The following SOX5 variants were observed in gnomAD, a reference collection of about 807,000 sequenced individuals.
The protein encoded by SOX5 is transcription factor SOX-5.
A neutral mutation model predicts 92.0 loss-of-function variants in SOX5; 9 were observed. That is an observed-to-expected ratio of 0.10 (90% CI 0.06 to 0.17). SOX5 has a LOEUF of 0.17. Among genes scored for constraint, SOX5 ranks in the 10% least tolerant of loss-of-function variants. The probability of loss-of-function intolerance (pLI) is 1.00; values close to 1 mark genes in which losing one functional copy is unlikely to be tolerated. For synonymous variants in SOX5, 344 were observed against 336.3 expected (o/e 1.02, Z -0.25); for missense variants, 642 against 944.5 (o/e 0.68, Z 4.20).
intron 13 of SOX5, among the ~76,000 whole-genome samples, chr12:23,539,682 A>T (rs1158011160): frequency 1.3e-5 from 2 of 152,172 alleles, no homozygotes; most frequent in Non-Finnish European, 2.9e-5. Context: ...AAATTCTCAG[A>T]TAAGTTGGCT....
At chr12:23,954,478 A>G (rs1251474484), upstream of SOX5, among the ~76,000 whole-genome samples, 1 of 151,688 alleles carries the variant, frequency 6.6e-6, no homozygotes, top group Non-Finnish European at 1.5e-5. Flanking sequence ...AAAGAAAGAA[A>G]GAAGGAAACT....
chr12:24,047,621 G>C (rs921158926), intron 4 of SOX5, among the ~76,000 whole-genome samples: 2 of 152,136 alleles, frequency 1.3e-5, no homozygotes, highest in Non-Finnish European at 2.9e-5. Flanking sequence ...TACCACATGG[G>C]ATCAGCCAGG....
chr12:24,461,115 T>C (rs1401942593), intron 1 of SOX5, among the ~76,000 whole-genome samples: 1 of 152,186 alleles, frequency 6.6e-6, no homozygotes, highest in African/African-American at 2.4e-5. Context: ...TGACAACACA[T>C]TTACAGAAGG....
At chr12:24,310,685 G>T (rs1490215686) in intron 2 of SOX5, among the ~76,000 whole-genome samples, 1 of 152,120 alleles carries the variant, frequency 6.6e-6, no homozygotes, top group Non-Finnish European at 1.5e-5. Context: ...CAGAGAAATG[G>T]TGACGTGATA....
At chr12:24,394,629 G>A (rs1034656823) in intron 1 of SOX5, among the ~76,000 whole-genome samples, 1 of 152,130 alleles carries the variant, frequency 6.6e-6, no homozygotes, top group Non-Finnish European at 1.5e-5. Flanking sequence ...ATTAATATTT[G>A]TACAAATATC....
intron 7 of SOX5, among the ~76,000 whole-genome samples, chr12:23,652,808 T>C (rs2081784493): frequency 6.6e-6 from 1 of 152,076 alleles, no homozygotes; most frequent in Non-Finnish European, 1.5e-5. Flanking sequence ...CAGGCTCTAG[T>C]CCTCTGCTAA....
chr12:24,276,315 T>C lies in SOX5; in HGVS notation c.-77+901A>G, dbSNP rs957501867. Among the ~76,000 whole-genome samples, 3 of 152,260 alleles carry C rather than the reference T, an allele frequency of 2.0e-5. No homozygotes were observed. The South Asian group carries it at 6.2e-4, about 32-fold the overall frequency. On this transcript the variant is annotated intron_variant, in intron 3 of 4. Transcript: ENST00000446891. Reference sequence around the variant, plus strand: ...TTAACAATTTTGTTTTTAAAAGAGGTAACCACTACCATTAATTCTAAGGGT... The same window carrying C: ...TTAACAATTTTGTTTTTAAAAGAGGCAACCACTACCATTAATTCTAAGGGT...
At chr12:24,506,293 A>C (rs540133913) in intron 1 of SOX5, among the ~76,000 whole-genome samples, 1 of 152,220 alleles carries the variant, frequency 6.6e-6, no homozygotes, top group South Asian at 2.1e-4. Context: ...AACTATTACA[A>C]ATACATGAAG....
At position 24,345,679 on chromosome 12, in the gene SOX5, T is replaced by C. The variant is rs762779348; in HGVS notation, c.-174+22884A>G. On this transcript the variant is annotated intron_variant, in intron 2 of 4. Transcript: ENST00000446891. Reference sequence around the variant, plus strand: ...GATAATTTTGAAAGAATTATGATGATTGCACTTAAGCATTCATCCTTAAAC... The same window carrying C: ...GATAATTTTGAAAGAATTATGATGACTGCACTTAAGCATTCATCCTTAAAC... Among the ~76,000 whole-genome samples, 9 of 152,226 alleles carry C rather than the reference T, an allele frequency of 5.9e-5. No homozygotes were observed. In the South Asian group the frequency reaches 6.2e-4, roughly 11 times the overall value.
At chr12:24,172,189 G>C (rs1322774761) in intron 4 of SOX5, among the ~76,000 whole-genome samples, 1 of 151,998 alleles carries the variant, frequency 6.6e-6, no homozygotes. Context: ...ATAAACCCTG[G>C]AGAGTCCCAG....
At chr12:24,313,087 A>G (rs1044858039) in intron 2 of SOX5, among the ~76,000 whole-genome samples, 2 of 152,182 alleles carry the variant, frequency 1.3e-5, no homozygotes, top group South Asian at 4.1e-4. Context: ...TGTGAGCACA[A>G]GAAGTTACAT....
At chr12:23,595,005 A>T (rs893011444) in intron 9 of SOX5, among the ~76,000 whole-genome samples, 7 of 152,070 alleles carry the variant, frequency 4.6e-5, no homozygotes, top group Admixed American at 4.6e-4. Flanking sequence ...TATTTTCTTC[A>T]TATCACTTAG....
chr12:24,423,055 G>T (rs1479285418), intron 1 of SOX5, among the ~76,000 whole-genome samples: 1 of 152,172 alleles, frequency 6.6e-6, no homozygotes, highest in East Asian at 1.9e-4. Flanking sequence ...TTTCAGGATT[G>T]TGAATTGTTT....
At chr12:24,177,448 C>T (rs1279622760) in intron 4 of SOX5, among the ~76,000 whole-genome samples, 1 of 152,130 alleles carries the variant, frequency 6.6e-6, no homozygotes, top group African/African-American at 2.4e-5. Context: ...GGGGTATTGT[C>T]TAAACAGAAA....
chr12:23,927,482 G>T (rs888923921), intron 1 of SOX5, among the ~76,000 whole-genome samples: 1 of 151,620 alleles, frequency 6.6e-6, no homozygotes. Flanking sequence ...ATATAGGCAG[G>T]GCTACAGGAT....
At chr12:23,943,568 G>T (rs1332865589) in intron 1 of SOX5, among the ~76,000 whole-genome samples, 1 of 151,934 alleles carries the variant, frequency 6.6e-6, no homozygotes, top group Non-Finnish European at 1.5e-5. Flanking sequence ...TAAGAAATAA[G>T]CAACACTTAG....
At chr12:24,523,571 C>T (rs1950438668) in intron 1 of SOX5, among the ~76,000 whole-genome samples, 1 of 152,066 alleles carries the variant, frequency 6.6e-6, no homozygotes, top group Non-Finnish European at 1.5e-5. Context: ...AAGAGAGACC[C>T]CAGTAGGAAA....
intron 8 of SOX5, among the ~76,000 whole-genome samples, chr12:23,632,379 A>G (rs764778052): frequency 5.6e-4 from 85 of 152,294 alleles, no homozygotes; most frequent in Middle Eastern, 3.4e-3. Context: ...TTAACTGAGT[A>G]GTACAGTATT....
At chr12:24,011,339 A>C (rs1017504362) in intron 4 of SOX5, among the ~76,000 whole-genome samples, 1 of 152,206 alleles carries the variant, frequency 6.6e-6, no homozygotes, top group Non-Finnish European at 1.5e-5. Flanking sequence ...ATGGTGATTC[A>C]TATCAATGAC....
Sources: gnomAD v4.1 joint callset for allele counts (sites outside exome capture counted in the v4.1 genomes callset) on GRCh38, gnomAD v4.1.1 for gene constraint, MANE v1.5 for transcripts, NCBI Gene and HGNC (gene_info 2026-07-23, HGNC 2026-07-21) for gene names.